The following CYP2E1 variants were observed in gnomAD, a reference collection of about 807,000 sequenced individuals.
The protein encoded by CYP2E1 is cytochrome P450 family 2 subfamily E member 1.
A neutral mutation model predicts 42.9 loss-of-function variants in CYP2E1; 31 were observed. The observed-to-expected ratio is 0.72, with a 90% CI of 0.54 to 0.98. The LOEUF (loss-of-function observed/expected upper bound fraction) is 0.98. Ranked by LOEUF, CYP2E1 falls within the 50% of genes least tolerant of loss-of-function variation. The pLI, the probability that CYP2E1 is intolerant of heterozygous loss-of-function variation, is 0.00. For missense variants in CYP2E1, 565 were observed against 633.2 expected (o/e 0.89, Z 1.16); for synonymous variants, 244 against 248.9 (o/e 0.98, Z 0.19).
intron 8 of CYP2E1, among the ~76,000 whole-genome samples, 164 bp from the exon 9 acceptor site, chr10:133,538,616 A>G (rs1292955430): frequency 1.3e-5 from 2 of 152,106 alleles, no homozygotes; most frequent in African/African-American, 4.8e-5. Flanking sequence ...CTTCCACTCA[A>G]GTACATTTTG....
chr10:133,527,842 C>A (rs1199323248), intron 1 of CYP2E1, among the ~76,000 whole-genome samples: 2 of 152,198 alleles, frequency 1.3e-5, no homozygotes, highest in Non-Finnish European at 2.9e-5. Context: ...GCTGCTGCGA[C>A]GCCAGGATAA....
At chr10:133,530,485 C>A (rs1851322962) in intron 2 of CYP2E1, among the ~76,000 whole-genome samples, 1 of 152,160 alleles carries the variant, frequency 6.6e-6, no homozygotes, top group African/African-American at 2.4e-5. Context: ...GCCCCACCCA[C>A]CTCATCTCAT....
chr10:133,533,738 C>G lies in CYP2E1; in HGVS notation c.826-18C>G. ...GACAAGCAGCCCCTTCTCCTCCGGT[C>G]TGTCTCCGGTATCACAGGAAAAGCA... On this transcript the variant is annotated intron_variant, in intron 5 of 8. Coordinates refer to ENST00000252945, the MANE Select transcript of CYP2E1 (RefSeq NM_000773.4). 6.2e-7 allele frequency: 1 copy of G among 1,612,978 alleles called. No individual in the cohort carries two copies. The highest frequency in any genetic ancestry group is 1.1e-5 in the South Asian group (1 of 90,920).
rs1851403493 is a variant in CYP2E1, at chr10:133,536,609, GTGGGTGGGTGGGTGGATGGATGGGTGGA to G, written c.968-446_968-419del. On this transcript the variant is annotated intron_variant, in intron 6 of 8. Transcript: ENST00000252945. Reference sequence around the variant, plus strand: ...GAGGGATGGCTGGATGGATGGGTGGGTGGGTGGGTGGGTGGATGGATGGGTGGATGGGTGGTTGGGTGGATGGATGGAT... The same window carrying G: ...GAGGGATGGCTGGATGGATGGGTGGGTGGGTGGTTGGGTGGATGGATGGAT... 9.8e-5 allele frequency among the ~76,000 whole-genome samples: 2 copies of G among 20,492 alleles called. 1 individual carries two copies. The highest frequency in any genetic ancestry group is 2.1e-4 in the Non-Finnish European group (2 of 9,310). 13.4% of individuals were successfully genotyped at this position (20,492 alleles called of 152,430 possible).
rs188765034 is a variant in CYP2E1, at chr10:133,534,524, A to T, written c.967+627A>T. Among the ~76,000 whole-genome samples the T allele has an allele frequency of 9.4e-3, 1,434 of 152,262 alleles. 9 individuals are homozygous for T. Among genetic ancestry groups the T allele is most frequent in the Non-Finnish European group, 0.015 (1,019 of 67,994 alleles). On this transcript the variant is annotated intron_variant, in intron 6 of 8. Coordinates refer to ENST00000252945, the MANE Select transcript of CYP2E1 (RefSeq NM_000773.4). ...GTAGAGGTGATGTGAGGGCACCCGC[A>T]TGCAAACAGGCCAGTCAGGGTTGGG...
At chr10:133,532,038 C>A (rs1394084039) in intron 3 of CYP2E1, 86 bp from the exon 4 acceptor site, 9 of 1,291,862 alleles carry the variant, frequency 7.0e-6, no homozygotes, top group Non-Finnish European at 9.8e-6. Flanking sequence ...TTCTCACAGG[C>A]CTTGGTGAAC....
intron 6 of CYP2E1, among the ~76,000 whole-genome samples, chr10:133,534,697 C>G (rs1170553824): frequency 6.6e-6 from 1 of 152,136 alleles, no homozygotes; most frequent in Non-Finnish European, 1.5e-5. Context: ...CCGCCCTCCT[C>G]CTGAAGCTGC....
chr10:133,529,590 T>C (rs926955599), intron 2 of CYP2E1, among the ~76,000 whole-genome samples: 1 of 152,268 alleles, frequency 6.6e-6, no homozygotes, highest in African/African-American at 2.4e-5. Context: ...TTGTCCAGCG[T>C]ACATTTCTGA....
chr10:133,527,429 G>A lies in CYP2E1; in HGVS notation c.34G>A (p.Val12Met), dbSNP rs1457901117. ...SALGVTVALL[V>M]WAAFLLLVSM... is the part of the protein sequence containing the mutation. ...CCTCGGAGTCACCGTGGCCCTGCTGGTGTGGGCGGCCTTCCTCCTGCTGGT... is the reference window on the plus strand; with the variant it reads ...CCTCGGAGTCACCGTGGCCCTGCTGATGTGGGCGGCCTTCCTCCTGCTGGT... The change falls in exon 1 of 9, where the codon GTG becomes ATG. Residue 12 changes from valine (V) to methionine (M), a missense_variant. Val to Met is a conservative substitution (Grantham distance 21). Coordinates refer to ENST00000252945, the MANE Select transcript of CYP2E1 (RefSeq NM_000773.4). 1 of 1,612,974 alleles carries A rather than the reference G, an allele frequency of 6.2e-7. No individual in the cohort carries two copies. The highest frequency in any genetic ancestry group is 1.7e-5 in the Admixed American group (1 of 60,016).
At chr10:133,527,653 A>G (rs1341129867) in intron 1 of CYP2E1, 81 bp downstream of exon 1, 6 of 1,201,612 alleles carry the variant, frequency 5.0e-6, no homozygotes, top group Non-Finnish European at 6.0e-6. Flanking sequence ...ATTTGCAGAC[A>G]AATTGTGGTT....
At chr10:133,532,614 G>T in intron 4 of CYP2E1, 78 bp from the exon 5 acceptor site, 1 of 1,287,282 alleles carries the variant, frequency 7.8e-7, no homozygotes. Flanking sequence ...ATTCAGGTTT[G>T]GAGAAAGTTG....
chr10:133,532,880 C>T lies in CYP2E1; in HGVS notation c.825+12C>T, dbSNP rs1303379589. ...TGGAAATGGAGAAGGTAGGCTCGGC[C>T]CTCCCATGATGTGGGCTCTCCGGGG... On this transcript the variant is annotated intron_variant, in intron 5 of 8. Coordinates refer to ENST00000252945, the MANE Select transcript of CYP2E1 (RefSeq NM_000773.4). The T allele has an allele frequency of 6.3e-7, 1 of 1,593,384 alleles. No homozygotes were observed. The highest frequency in any genetic ancestry group is 2.2e-5 in the East Asian group (1 of 44,564).
intron 1 of CYP2E1, among the ~76,000 whole-genome samples, chr10:133,527,889 C>A (rs1482291733): frequency 6.6e-6 from 1 of 152,244 alleles, no homozygotes; most frequent in Admixed American, 6.5e-5. Flanking sequence ...GCTGGGCGTC[C>A]GCCTGTGTTT....
At chr10:133,537,482 C>T (rs28371747) in intron 7 of CYP2E1, 23,442 of 601,210 alleles carry the variant, frequency 0.039, 1,028 homozygotes, top group African/African-American at 0.21. Context: ...GCAGATAGTG[C>T]CTGGGACTGT....
In CYP2E1 at chr10:133,535,112, G is replaced by A. The variant is rs1018123535; in HGVS notation, c.967+1215G>A. Reference sequence around the variant, plus strand: ...GGCACTTTGGGAGGCTGAGGCAGGCGATCACGAGGTCAGGAGTTCGAGACC... The same window carrying A: ...GGCACTTTGGGAGGCTGAGGCAGGCAATCACGAGGTCAGGAGTTCGAGACC... On this transcript the variant is annotated intron_variant, in intron 6 of 8. Coordinates refer to ENST00000252945, the MANE Select transcript of CYP2E1 (RefSeq NM_000773.4). Among the ~76,000 whole-genome samples, 5 of 152,090 alleles carry A rather than the reference G, an allele frequency of 3.3e-5. 1 individual carries two copies. The South Asian group carries it at 8.3e-4, about 25-fold the overall frequency.
chr10:133,528,544 C>T lies in CYP2E1; in HGVS notation c.241C>T (p.His81Tyr). 1 of 1,613,542 alleles carries T rather than the reference C, an allele frequency of 6.2e-7. No homozygotes were observed. The highest frequency in any genetic ancestry group is 8.5e-7 in the Non-Finnish European group (1 of 1,179,964). Reference sequence around the variant, plus strand: ...GGGCTCGCAGCGCATGGTGGTGATGCACGGCTACAAGGCGGTGAAGGAAGC... The same window carrying T: ...GGGCTCGCAGCGCATGGTGGTGATGTACGGCTACAAGGCGGTGAAGGAAGC... Reference protein sequence around the residue: ...YVGSQRMVVMHGYKAVKEALL... With the variant: ...YVGSQRMVVMYGYKAVKEALL... Residue 81 changes from histidine to tyrosine, a missense_variant, in exon 2 of 9, where the codon CAC becomes TAC. Physicochemically the swap from His to Tyr is moderately conservative, Grantham distance 83. Transcript: ENST00000252945.
At position 133,532,741 on chromosome 10, in the gene CYP2E1, G is replaced by C. The variant is rs1245708136; in HGVS notation, c.698G>C (p.Arg233Thr). The C allele has an allele frequency of 1.9e-6, 3 of 1,612,646 alleles. No individual in the cohort carries two copies. The Admixed American group carries it at 5.0e-5, about 27-fold the overall frequency. The change falls in exon 5 of 9, where the codon AGA becomes ACA. Residue 233 changes from arginine (R) to threonine (T), a missense_variant. Physicochemically the swap from Arg to Thr is moderately conservative, Grantham distance 71 (BLOSUM62 -1). Transcript: ENST00000252945. ...CTACACTACTTGCCTGGAAGCCACAGAAAAGTCATAAAAAATGTGGCTGAA... is the reference window on the plus strand; with the variant it reads ...CTACACTACTTGCCTGGAAGCCACACAAAAGTCATAAAAAATGTGGCTGAA... ...SFLHYLPGSH[R>T]KVIKNVAEVK...
At chr10:133,529,689 C>CGCGCTCTTGAGCGT (rs1187843598) in intron 2 of CYP2E1, among the ~76,000 whole-genome samples, 1 of 152,236 alleles carries the variant, frequency 6.6e-6, no homozygotes, top group South Asian at 2.1e-4. Flanking sequence ...GCTGGGTGTT[C>CGCGCTCTTGAGCGT]GCGCTCTTGA....
At position 133,528,646 on chromosome 10, in the gene CYP2E1, TC is replaced by T; in HGVS notation, c.337+8del. The T allele has an allele frequency of 6.2e-7, 1 of 1,612,702 alleles. No individual in the cohort carries two copies. Among genetic ancestry groups the T allele is most frequent in the Non-Finnish European group, 8.5e-7 (1 of 1,179,834 alleles). ...CCATGCGCACAGGGACAGGGGTGAG[TC>T]CGCGTCCCTGGCACGGAGCGGGGGG... On this transcript the variant is annotated splice_region_variant and intron_variant, in intron 2 of 8. Coordinates refer to ENST00000252945, the MANE Select transcript of CYP2E1 (RefSeq NM_000773.4).
Sources: allele counts gnomAD v4.1 joint callset (sites outside exome capture counted in the v4.1 genomes callset), GRCh38; gene constraint gnomAD v4.1.1; transcripts MANE v1.5; gene names NCBI Gene and HGNC (gene_info 2026-07-23, HGNC 2026-07-21).